TBCD: variants seen among roughly 807,000 people sequenced by gnomAD.
TBCD encodes tubulin-specific chaperone D.
TBCD carries 105 observed loss-of-function variants against 169.3 expected under a neutral mutation model. The observed-to-expected ratio is 0.62, with a 90% confidence interval of 0.53 to 0.73. The LOEUF (loss-of-function observed/expected upper bound fraction) is 0.73, where lower values mean the gene tolerates loss of function less well. Among genes scored for constraint, TBCD ranks in the 30% least tolerant of loss-of-function variants. The pLI is 0.00. For missense variants in TBCD, 1,444 were observed against 1,600.1 expected (o/e 0.90, Z 1.66); for synonymous variants, 700 against 643.9 (o/e 1.09, Z -1.32).
At position 82,833,806 on chromosome 17, in the gene TBCD, T is replaced by C. The variant is rs2053719541; in HGVS notation, c.1318+18872T>C. On this transcript the variant is annotated intron_variant, in intron 13 of 38. Transcript: ENST00000355528. This position sits in a 1 kb window ranked among gnomAD's most constrained non-coding sequence, Gnocchi z 4.7. Reference sequence around the variant, plus strand: ...CCTCTGGCCACACCCACTCAGGTCCTGGGACCCACCAGAGGCTGTGTGTGT... The same window carrying C: ...CCTCTGGCCACACCCACTCAGGTCCCGGGACCCACCAGAGGCTGTGTGTGT... Among the ~76,000 whole-genome samples the C allele has an allele frequency of 6.6e-6, 1 of 152,170 alleles. No homozygotes were observed. The highest frequency in any genetic ancestry group is 1.5e-5 in the Non-Finnish European group (1 of 68,036).
Position 82,797,776 on chromosome 17 carries a change from G to C in TBCD, c.791G>C (p.Gly264Ala). Residue 264 changes from glycine to alanine, a missense_variant, in exon 8 of 39, where the codon GGA becomes GCA. Gly to Ala is a moderately conservative substitution (Grantham distance 60). Transcript: ENST00000355528. ...TTTTAGGCACAAATATTTAAACATG[G>C]AAAACGTGAAGACTGTTTGCCCTAT... Reference protein sequence around the residue: ...LQALAQIFKHGKREDCLPYAA... With the variant: ...LQALAQIFKHAKREDCLPYAA... 1.9e-6 allele frequency: 3 copies of C among 1,568,648 alleles called. No individual in the cohort carries two copies. The highest frequency in any genetic ancestry group is 2.6e-6 in the Non-Finnish European group (3 of 1,163,326).
intron 13 of TBCD, among the ~76,000 whole-genome samples, chr17:82,848,225 G>T (rs933272048): frequency 6.6e-6 from 1 of 152,192 alleles, no homozygotes; most frequent in Non-Finnish European, 1.5e-5. Flanking sequence ...GGCTTCTGGC[G>T]GCTCTGCAGG....
At chr17:82,942,421 G>C (rs148150693) in intron 38 of TBCD, 28 bp from the exon 39 acceptor site, 3 of 1,613,840 alleles carry the variant, frequency 1.9e-6, no homozygotes, top group African/African-American at 1.3e-5. Context: ...GAGCTGACCA[G>C]CCTGAGCTTG....
chr17:82,825,765 A>G (rs1465924819), intron 13 of TBCD, among the ~76,000 whole-genome samples: 1 of 152,242 alleles, frequency 6.6e-6, no homozygotes, highest in Non-Finnish European at 1.5e-5. Flanking sequence ...ATCTGAATAA[A>G]TCTGGGAAAT....
At chr17:82,926,843 C>T in intron 28 of TBCD, 3 of 493,082 alleles carry the variant, frequency 6.1e-6, no homozygotes, top group Admixed American at 3.6e-5. Context: ...CCCTCTCCTC[C>T]CTGCAGGCAC....
At chr17:82,921,220 G>T in intron 24 of TBCD, 1 of 515,202 alleles carries the variant, frequency 1.9e-6, no homozygotes. Context: ...AAAAGATTTA[G>T]GGGTAACAAA....
chr17:82,783,499 G>A (rs922183725), intron 7 of TBCD, among the ~76,000 whole-genome samples: 1 of 152,130 alleles, frequency 6.6e-6, no homozygotes, highest in African/African-American at 2.4e-5. Context: ...TGATTGCACC[G>A]AGCAGTCCGT....
intron 13 of TBCD, among the ~76,000 whole-genome samples, chr17:82,846,268 C>CA (rs1567878900): frequency 7.0e-6 from 1 of 143,268 alleles, no homozygotes; most frequent in Non-Finnish European, 1.6e-5. Context: ...GTCCTCTGTG[C>CA]TGTGTCCTCT....
chr17:82,883,862 T>C (rs1417247595), intron 14 of TBCD, among the ~76,000 whole-genome samples: 1 of 152,240 alleles, frequency 6.6e-6, no homozygotes, highest in Non-Finnish European at 1.5e-5. Context: ...CCCCAGGCCC[T>C]GTCCTCGTGG....
chr17:82,923,637 C>T lies in TBCD; in HGVS notation c.2179-15C>T, dbSNP rs750925626. 5.8e-6 allele frequency: 9 copies of T among 1,561,220 alleles called. No homozygotes were observed. The highest frequency in any genetic ancestry group is 6.9e-6 in the Non-Finnish European group (8 of 1,151,936). On this transcript the variant is annotated splice_polypyrimidine_tract_variant and intron_variant, in intron 25 of 38. Transcript: ENST00000355528. This position sits in a 1 kb window ranked among gnomAD's most constrained non-coding sequence, Gnocchi z 4.6. ...GCAGAGCTGCTGTGCGCTCACCGTG[C>T]TGCCTTTGTTTTAGGATGCAGCAGT...
chr17:82,769,487 C>T (rs2048193007), intron 5 of TBCD, among the ~76,000 whole-genome samples: 1 of 152,242 alleles, frequency 6.6e-6, no homozygotes, highest in South Asian at 2.1e-4. Context: ...CTGACTGCGA[C>T]AGCCCTGGTC....
At chr17:82,820,602 A>T (rs1318902145) in intron 13 of TBCD, among the ~76,000 whole-genome samples, 1 of 151,010 alleles carries the variant, frequency 6.6e-6, no homozygotes, top group East Asian at 1.9e-4. Context: ...GTTAATACAC[A>T]TGTTGGTACT....
intron 35 of TBCD, 144 bp from the exon 36 acceptor site, chr17:82,937,905 A>C: frequency 6.5e-7 from 1 of 1,530,744 alleles, no homozygotes; most frequent in Non-Finnish European, 8.8e-7. Flanking sequence ...GCACACACAC[A>C]CCTCCGGCTT....
intron 18 of TBCD, among the ~76,000 whole-genome samples, chr17:82,902,746 TTTG>T (rs1270238093): frequency 6.6e-6 from 1 of 152,226 alleles, no homozygotes; most frequent in East Asian, 1.9e-4. Context: ...ATTTTGCTTC[TTTG>T]TTGTTACATG....
intron 13 of TBCD, among the ~76,000 whole-genome samples, chr17:82,847,131 C>T (rs1475641749): frequency 6.6e-6 from 1 of 152,028 alleles, no homozygotes. Context: ...GTGGGCGGAT[C>T]ATGAGGTCAG....
At chr17:82,844,381 CT>C (rs2054825435) in intron 13 of TBCD, among the ~76,000 whole-genome samples, 1 of 152,110 alleles carries the variant, frequency 6.6e-6, no homozygotes, top group Non-Finnish European at 1.5e-5. Context: ...GTCAGTGTGG[CT>C]GCCTGCCTTC....
In TBCD at chr17:82,889,475, T is replaced by A. The variant is rs2058978509; in HGVS notation, c.1534-193T>A. 6.6e-6 allele frequency among the ~76,000 whole-genome samples: 1 copy of A among 152,036 alleles called. No homozygotes were observed. Among genetic ancestry groups the A allele is most frequent in the Non-Finnish European group, 1.5e-5 (1 of 68,028 alleles). Reference sequence around the variant, plus strand: ...ATTTTATAAACTTGAATTCTTAAATTGTGGTTTTAAAGAGCACCAGGACGT... The same window carrying A: ...ATTTTATAAACTTGAATTCTTAAATAGTGGTTTTAAAGAGCACCAGGACGT... On this transcript the variant is annotated intron_variant, in intron 15 of 38. Transcript: ENST00000355528. This position sits in a 1 kb window ranked among gnomAD's most constrained non-coding sequence, Gnocchi z 5.3.
chr17:82,775,853 G>C (rs2048564365), intron 6 of TBCD, among the ~76,000 whole-genome samples: 1 of 151,756 alleles, frequency 6.6e-6, no homozygotes, highest in Non-Finnish European at 1.5e-5. Context: ...TAACTAACTT[G>C]CACAATGTGC....
At chr17:82,775,828 A>G (rs1360485238) in intron 6 of TBCD, among the ~76,000 whole-genome samples, 2 of 151,952 alleles carry the variant, frequency 1.3e-5, no homozygotes. Flanking sequence ...CCAGCATGGC[A>G]CATGTATACG....
Sources: gnomAD v4.1 joint callset for allele counts (sites outside exome capture counted in the v4.1 genomes callset) on GRCh38, gnomAD v4.1.1 for gene constraint, Gnocchi (gnomAD v3.1) non-coding constraint, MANE v1.5 for transcripts, NCBI Gene and HGNC (gene_info 2026-07-23, HGNC 2026-07-21) for gene names.